Variants in GLCE observed in about 807,000 individuals in gnomAD.
GLCE encodes the protein glucuronic acid epimerase.
In GLCE, 19 loss-of-function variants were observed where a neutral mutation model predicts 47.9. The ratio of observed to expected loss-of-function variants is 0.40; its 90% CI spans 0.28 to 0.58. The LOEUF (loss-of-function observed/expected upper bound fraction) is 0.58. Among genes scored for constraint, GLCE ranks in the 20% least tolerant of loss-of-function variants. The pLI is 0.48. For missense variants in GLCE, 556 were observed against 743.3 expected (o/e 0.75, Z 2.93); for synonymous variants, 245 against 263.4 (o/e 0.93, Z 0.68).
At position 69,213,544 on chromosome 15, in the gene GLCE, C is replaced by T. The variant is rs150087450; in HGVS notation, c.-14+3138C>T. Among the ~76,000 whole-genome samples, 359 of 152,216 alleles carry T rather than the reference C, an allele frequency of 2.4e-3. 3 individuals carry two copies. Among genetic ancestry groups the T allele is most frequent in the African/African-American group, 8.0e-3 (334 of 41,570 alleles). Reference sequence around the variant, plus strand: ...TCTCAGCACACAATATCAGAAGCCACGTGGTGTCAGAATGTCCTATTACTG... The same window carrying T: ...TCTCAGCACACAATATCAGAAGCCATGTGGTGTCAGAATGTCCTATTACTG... On this transcript the variant is annotated intron_variant, in intron 2 of 4. Transcript: ENST00000261858.
intron 1 of GLCE, among the ~76,000 whole-genome samples, chr15:69,165,356 CT>C (rs1319272706): frequency 2.0e-5 from 3 of 152,286 alleles, no homozygotes; most frequent in Middle Eastern, 3.4e-3. Flanking sequence ...TGCACTTGTA[CT>C]AATACGAGCA....
chr15:69,256,287 GT>G lies in GLCE; in HGVS notation c.482del (p.Val161AlafsTer31). On this transcript the variant is annotated frameshift_variant, in exon 3 of 5. Coordinates refer to ENST00000261858, the MANE Select transcript of GLCE (RefSeq NM_015554.3). LOFTEE classifies it high-confidence loss of function. Reference sequence around the variant, plus strand: ...TGAATTCTCTCATAGCTATTCCAAAGTCTATGCACAGAGAGCCCCCTATCAC... The same window carrying G: ...TGAATTCTCTCATAGCTATTCCAAAGCTATGCACAGAGAGCCCCCTATCAC... ...RFEFSHSYSK[V>X]YAQRAPYHPD... 6.2e-7 allele frequency: 1 copy of G among 1,613,946 alleles called. No homozygotes were observed. The highest frequency in any genetic ancestry group is 2.2e-5 in the East Asian group (1 of 44,874).
intron 2 of GLCE, among the ~76,000 whole-genome samples, chr15:69,212,361 G>A (rs1292087886): frequency 2.6e-5 from 4 of 151,624 alleles, no homozygotes; most frequent in African/African-American, 9.7e-5. Context: ...AGTAAAACAA[G>A]GGGAAATAAA....
At chr15:69,211,079 G>T (rs942907535) in intron 2 of GLCE, among the ~76,000 whole-genome samples, 2 of 152,062 alleles carry the variant, frequency 1.3e-5, no homozygotes, top group Non-Finnish European at 2.9e-5. Flanking sequence ...ATAAGTATAT[G>T]TGCAGATACA....
Position 69,255,868 on chromosome 15 carries a change from C to G in GLCE, c.62C>G (p.Thr21Ser). 1 of 1,614,062 alleles carries G rather than the reference C, an allele frequency of 6.2e-7. No individual in the cohort carries two copies. Among genetic ancestry groups the G allele is most frequent in the Non-Finnish European group, 8.5e-7 (1 of 1,179,992 alleles). ...KTLIIICALF[T>S]LVTVLLWNKC... is the part of the protein sequence containing the mutation. ...TTGATTATTATCTGCGCACTCTTCA[C>G]TTTGGTCACAGTACTTTTGTGGAAT... The change falls in exon 3 of 5, where the codon ACT becomes AGT. Residue 21 changes from threonine (T) to serine (S), a missense_variant. Thr to Ser is a moderately conservative substitution (Grantham distance 58, BLOSUM62 1). Transcript: ENST00000261858.
chr15:69,178,490 C>T (rs964889310), intron 1 of GLCE, among the ~76,000 whole-genome samples: 1 of 152,044 alleles, frequency 6.6e-6, no homozygotes, highest in African/African-American at 2.4e-5. Context: ...TATCATCTAC[C>T]TCAAGGGACT....
At chr15:69,255,748 C>G in intron 2 of GLCE, 46 bp from the exon 3 acceptor site, 1 of 1,054,438 alleles carries the variant, frequency 9.5e-7, no homozygotes, top group South Asian at 1.6e-5. Context: ...CTATGAAATG[C>G]CGGTAGTACA....
chr15:69,195,612 T>C (rs2051976342), intron 1 of GLCE, among the ~76,000 whole-genome samples: 1 of 152,170 alleles, frequency 6.6e-6, no homozygotes, highest in South Asian at 2.1e-4. Context: ...TGTTGCTCCT[T>C]GTTGTCTAAG....
chr15:69,202,120 A>C (rs1036984766), intron 1 of GLCE, among the ~76,000 whole-genome samples: 1 of 151,944 alleles, frequency 6.6e-6, no homozygotes, highest in Non-Finnish European at 1.5e-5. Flanking sequence ...GAGTCTCACT[A>C]TGTTACCCAG....
At chr15:69,186,745 G>T (rs1445552126) in intron 1 of GLCE, among the ~76,000 whole-genome samples, 1 of 152,026 alleles carries the variant, frequency 6.6e-6, no homozygotes, top group African/African-American at 2.4e-5. Flanking sequence ...TTAAATTTTT[G>T]CCCCTTTTCT....
At chr15:69,184,220 T>A (rs955009366) in intron 1 of GLCE, among the ~76,000 whole-genome samples, 1 of 152,220 alleles carries the variant, frequency 6.6e-6, no homozygotes, top group Non-Finnish European at 1.5e-5. Context: ...TCCTGAACCA[T>A]TAATAATGAT....
rs143042615 is a variant in GLCE, at chr15:69,171,685, C to T, written c.-105+10928C>T. Among the ~76,000 whole-genome samples, 15 of 152,224 alleles carry T rather than the reference C, an allele frequency of 9.9e-5. 1 individual carries two copies. The highest frequency in any genetic ancestry group is 1.9e-4 in the African/African-American group (8 of 41,534). The stretch of plus-strand genomic sequence containing the variant: ...TGCTGGGATTACAGGCGTGAGCCAC[C>T]GCGCCCTGCTCTGGGATAGATTCTT... On this transcript the variant is annotated intron_variant, in intron 1 of 4. Transcript: ENST00000261858.
intron 1 of GLCE, among the ~76,000 whole-genome samples, chr15:69,185,798 G>C (rs1164715614): frequency 6.6e-6 from 1 of 152,012 alleles, no homozygotes; most frequent in African/African-American, 2.4e-5. Flanking sequence ...GAGAATTTAA[G>C]AACATGCCAA....
chr15:69,181,257 G>A (rs1310695227), intron 1 of GLCE, among the ~76,000 whole-genome samples: 1 of 152,170 alleles, frequency 6.6e-6, no homozygotes, highest in Non-Finnish European at 1.5e-5. Flanking sequence ...TGAGTCTAGA[G>A]TTCAAAGGAA....
At chr15:69,250,476 T>G (rs1280429991) in intron 2 of GLCE, among the ~76,000 whole-genome samples, 2 of 152,190 alleles carry the variant, frequency 1.3e-5, no homozygotes. Context: ...CTTTCAATAT[T>G]TTAACAAAGT....
chr15:69,174,214 T>A (rs767652081), intron 1 of GLCE, among the ~76,000 whole-genome samples: 3 of 152,254 alleles, frequency 2.0e-5, no homozygotes, highest in Admixed American at 6.5e-5. Context: ...ATTTTAGTCT[T>A]GTTTTAGAAA....
chr15:69,162,197 C>CT (rs1209183233), intron 1 of GLCE, among the ~76,000 whole-genome samples: 17 of 152,048 alleles, frequency 1.1e-4, no homozygotes, highest in Non-Finnish European at 2.5e-4. Flanking sequence ...GAGAATTCTG[C>CT]TTAACAGTTT....
chr15:69,232,042 C>T (rs575661958), intron 2 of GLCE, among the ~76,000 whole-genome samples: 32 of 152,286 alleles, frequency 2.1e-4, no homozygotes, highest in African/African-American at 7.5e-4. Context: ...CCATCTGCCT[C>T]GGCCTCCCAA....
intron 1 of GLCE, among the ~76,000 whole-genome samples, chr15:69,199,734 C>T (rs2052049197): frequency 6.6e-6 from 1 of 152,202 alleles, no homozygotes; most frequent in Non-Finnish European, 1.5e-5. Flanking sequence ...TTAAACCATA[C>T]TGGAGCCACT....
Sources: allele counts gnomAD v4.1 joint callset (sites outside exome capture counted in the v4.1 genomes callset), GRCh38; gene constraint gnomAD v4.1.1; transcripts MANE v1.5; gene names NCBI Gene and HGNC (gene_info 2026-07-23, HGNC 2026-07-21).